ASTN2: variants seen among roughly 807,000 people sequenced by gnomAD.
ASTN2 encodes astrotactin-2.
Under a neutral mutation model 139.8 loss-of-function variants are expected in ASTN2, and 54 were observed. The observed-to-expected ratio is 0.39, with a 90% CI of 0.31 to 0.48. ASTN2 has a LOEUF of 0.48. Ranked by LOEUF, ASTN2 falls within the 20% of genes least tolerant of loss-of-function variation. The probability of loss-of-function intolerance (pLI) is 0.95; values close to 1 mark genes in which losing one functional copy is unlikely to be tolerated. For missense variants in ASTN2, 1,565 were observed against 1,725.1 expected, an observed-to-expected ratio of 0.91 and a Z score of 1.64; for synonymous variants, 756 against 719.5, an observed-to-expected ratio of 1.05 and a Z score of -0.81.
chr9:116,545,995 T>G (rs1852075366), intron 19 of ASTN2: 1 of 152,236 alleles, frequency 6.6e-6, no homozygotes, highest in Admixed American at 6.5e-5. Context: ...AGGCCCAGAC[T>G]TCACTTCTGG....
chr9:116,538,869 T>G (rs955697704), intron 19 of ASTN2, among the ~76,000 whole-genome samples: 2 of 152,126 alleles, frequency 1.3e-5, no homozygotes, highest in Non-Finnish European at 2.9e-5. Flanking sequence ...TAAGAATTAA[T>G]TTTGGAAAGA....
chr9:116,887,911 A>T (rs1833658817), intron 10 of ASTN2, among the ~76,000 whole-genome samples: 1 of 152,082 alleles, frequency 6.6e-6, no homozygotes, highest in Non-Finnish European at 1.5e-5. Context: ...CAAGGGATCC[A>T]CCTACCTCGG....
chr9:117,024,761 G>A (rs182302171), intron 6 of ASTN2, among the ~76,000 whole-genome samples: 120 of 152,160 alleles, frequency 7.9e-4, no homozygotes, highest in Admixed American at 6.2e-3. Flanking sequence ...TGGAGTAGAG[G>A]GGTGCTATGC....
At chr9:117,306,835 T>C (rs1448937707) in intron 1 of ASTN2, among the ~76,000 whole-genome samples, 2 of 152,172 alleles carry the variant, frequency 1.3e-5, no homozygotes. Context: ...GGGCTGTAAC[T>C]CTTTCCCTCA....
intron 16 of ASTN2, among the ~76,000 whole-genome samples, chr9:116,658,501 G>A (rs1484221694): frequency 1.3e-5 from 2 of 152,156 alleles, no homozygotes; most frequent in African/African-American, 4.8e-5. Context: ...TCTCCATGAG[G>A]TAGGAAGCCA....
At chr9:116,787,251 G>A (rs1588292622) in intron 13 of ASTN2, among the ~76,000 whole-genome samples, 5 of 152,202 alleles carry the variant, frequency 3.3e-5, no homozygotes, top group African/African-American at 4.8e-5. Flanking sequence ...ACACCAGGCA[G>A]GCTTCTCCAG....
intron 7 of ASTN2, among the ~76,000 whole-genome samples, chr9:116,994,552 C>G (rs1836955821): frequency 6.6e-6 from 1 of 152,178 alleles, no homozygotes; most frequent in Non-Finnish European, 1.5e-5. Context: ...TGCTCTATAT[C>G]TCTCCAATAT....
chr9:116,729,180 G>T, intron 14 of ASTN2, 84 bp from the exon 15 acceptor site: 1 of 1,060,444 alleles, frequency 9.4e-7, no homozygotes, highest in Non-Finnish European at 1.4e-6. Flanking sequence ...TCTTGGCTCT[G>T]GGAAACAGAC....
Position 116,966,837 on chromosome 9 carries a change from A to G in ASTN2, c.1889+8371T>C, listed in dbSNP as rs561056167. Among the ~76,000 whole-genome samples, 7 of 152,292 alleles carry G rather than the reference A, an allele frequency of 4.6e-5. No individual in the cohort carries two copies. In the South Asian group the frequency reaches 1.2e-3, roughly 27 times the overall value. ...TATTTCACCTTCCACTTGCATAAAGAACACACACACTTAATAGACCAAATG... is the reference window on the plus strand; with the variant it reads ...TATTTCACCTTCCACTTGCATAAAGGACACACACACTTAATAGACCAAATG... On this transcript the variant is annotated intron_variant, in intron 10 of 22. Coordinates refer to ENST00000313400, the MANE Select transcript of ASTN2 (RefSeq NM_001365068.1).
At chr9:117,040,290 A>G (rs1250580131) in intron 5 of ASTN2, among the ~76,000 whole-genome samples, 1 of 152,162 alleles carries the variant, frequency 6.6e-6, no homozygotes, top group Non-Finnish European at 1.5e-5. Context: ...GATGATATTA[A>G]GCCCTCCATT....
At chr9:116,792,323 T>C (rs1194943880) in intron 13 of ASTN2, among the ~76,000 whole-genome samples, 1 of 152,212 alleles carries the variant, frequency 6.6e-6, no homozygotes, top group African/African-American at 2.4e-5. Context: ...TGTCTTCTCC[T>C]AAATGGATTT....
intron 16 of ASTN2, among the ~76,000 whole-genome samples, chr9:116,705,019 T>C (rs1017548579): frequency 5.3e-5 from 8 of 152,176 alleles, no homozygotes; most frequent in African/African-American, 1.9e-4. Context: ...AAGAATTTTT[T>C]CTCTAGGTCA....
chr9:117,400,906 C>T (rs570157439), intron 1 of ASTN2, among the ~76,000 whole-genome samples: 1 of 152,248 alleles, frequency 6.6e-6, no homozygotes, highest in African/African-American at 2.4e-5. Context: ...TATTACACTG[C>T]CTCTGGGTTC....
chr9:117,137,078 T>C (rs1248598922), intron 4 of ASTN2, among the ~76,000 whole-genome samples: 2 of 152,200 alleles, frequency 1.3e-5, no homozygotes, highest in African/African-American at 2.4e-5. Flanking sequence ...CTGTCCTTTA[T>C]ACTGCCCATA....
At chr9:116,851,987 C>A (rs1832620933) in intron 11 of ASTN2, among the ~76,000 whole-genome samples, 2 of 152,262 alleles carry the variant, frequency 1.3e-5, no homozygotes, top group Admixed American at 6.5e-5. Context: ...GTAGGAAGGA[C>A]AGGAGCATAG....
chr9:116,979,319 C>A (rs1195632448), intron 7 of ASTN2, among the ~76,000 whole-genome samples: 1 of 151,978 alleles, frequency 6.6e-6, no homozygotes, highest in Non-Finnish European at 1.5e-5. Flanking sequence ...ATCTGCTTAC[C>A]TGAAAAATAA....
At chr9:116,578,621 T>TGC in intron 19 of ASTN2, among the ~76,000 whole-genome samples, 1 of 17,668 alleles carries the variant, frequency 5.7e-5, no homozygotes, top group Non-Finnish European at 1.6e-4. Flanking sequence ...GGCTCCAACG[T>TGC]GTGTGTGTGT....
At chr9:117,298,690 ATG>A (rs1554717045) in intron 1 of ASTN2, among the ~76,000 whole-genome samples, 1 of 119,958 alleles carries the variant, frequency 8.3e-6, no homozygotes, top group African/African-American at 2.8e-5. Flanking sequence ...ATATATATAT[ATG>A]TGCATATGTA....
chr9:117,096,841 G>A (rs1277097862), intron 4 of ASTN2, among the ~76,000 whole-genome samples: 1 of 152,190 alleles, frequency 6.6e-6, no homozygotes, highest in African/African-American at 2.4e-5. Context: ...GGCCTGCACT[G>A]ATAGAAAAAG....
Sources: allele counts gnomAD v4.1 joint callset (sites outside exome capture counted in the v4.1 genomes callset), GRCh38; gene constraint gnomAD v4.1.1; transcripts MANE v1.5; gene names NCBI Gene and HGNC (gene_info 2026-07-23, HGNC 2026-07-21).